TRABD2B: variants seen among roughly 807,000 people sequenced by gnomAD.
The protein encoded by TRABD2B is metalloprotease TIKI2.
In TRABD2B, 14 loss-of-function variants were observed where a neutral mutation model predicts 40.1. That is an observed-to-expected ratio of 0.35 (90% CI 0.23 to 0.55). The LOEUF (loss-of-function observed/expected upper bound fraction) is 0.55, where lower values mean the gene tolerates loss of function less well. Among genes scored for constraint, TRABD2B ranks in the 20% least tolerant of loss-of-function variants. TRABD2B has a pLI of 0.90. For synonymous variants in TRABD2B, 263 were observed against 277.0 expected (o/e 0.95, Z 0.50); for missense variants, 541 against 648.6 (o/e 0.83, Z 1.80).
chr1:47,865,612 A>T (rs773657881), intron 2 of TRABD2B, among the ~76,000 whole-genome samples: 6 of 152,176 alleles, frequency 3.9e-5, no homozygotes, highest in Non-Finnish European at 7.3e-5. Flanking sequence ...AGAAAAGTTA[A>T]GGCACTGGAT....
At chr1:47,862,222 A>G (rs1442134545) in intron 2 of TRABD2B, among the ~76,000 whole-genome samples, 1 of 152,220 alleles carries the variant, frequency 6.6e-6, no homozygotes, top group African/African-American at 2.4e-5. Flanking sequence ...CCTTTTCAAC[A>G]CCGTACTGGA....
chr1:47,977,533 T>C (rs1442126371), intron 2 of TRABD2B, among the ~76,000 whole-genome samples: 1 of 152,132 alleles, frequency 6.6e-6, no homozygotes, highest in Non-Finnish European at 1.5e-5. Flanking sequence ...ATAGGTATTC[T>C]TATCTCCATT....
At chr1:47,971,960 T>C (rs1404586402) in intron 2 of TRABD2B, among the ~76,000 whole-genome samples, 1 of 152,140 alleles carries the variant, frequency 6.6e-6, no homozygotes, top group Non-Finnish European at 1.5e-5. Context: ...AACAGTGAGA[T>C]GGACTATCAG....
intron 2 of TRABD2B, among the ~76,000 whole-genome samples, chr1:47,830,217 G>T (rs958800127): frequency 6.6e-6 from 1 of 152,186 alleles, no homozygotes; most frequent in Non-Finnish European, 1.5e-5. Context: ...TTCACCCCTT[G>T]CCCCGTTCCC....
intron 2 of TRABD2B, among the ~76,000 whole-genome samples, chr1:47,913,657 G>C (rs969249800): frequency 6.6e-6 from 1 of 152,152 alleles, no homozygotes; most frequent in African/African-American, 2.4e-5. Context: ...AAAGCAGTCC[G>C]GGGCAGCATG....
At chr1:47,910,016 C>T (rs1193152877) in intron 2 of TRABD2B, among the ~76,000 whole-genome samples, 4 of 151,562 alleles carry the variant, frequency 2.6e-5, no homozygotes, top group African/African-American at 9.7e-5. Flanking sequence ...CGTGCCACCA[C>T]GCCTGGCTGA....
chr1:47,944,474 C>T (rs1645232179), intron 2 of TRABD2B, among the ~76,000 whole-genome samples: 3 of 151,970 alleles, frequency 2.0e-5, no homozygotes, highest in South Asian at 2.1e-4. Flanking sequence ...GTAATGCTTA[C>T]GAAAGGCAAA....
chr1:47,950,607 T>C (rs1371894968), intron 2 of TRABD2B, among the ~76,000 whole-genome samples: 3 of 152,168 alleles, frequency 2.0e-5, no homozygotes, highest in African/African-American at 7.2e-5. Flanking sequence ...ATTCCACATG[T>C]GAAGAATGGC....
intron 2 of TRABD2B, among the ~76,000 whole-genome samples, chr1:47,926,445 G>C (rs899574870): frequency 1.3e-5 from 2 of 152,188 alleles, no homozygotes; most frequent in African/African-American, 4.8e-5. Flanking sequence ...AGAGGCTCTT[G>C]CTCCAGGAAT....
chr1:47,836,789 TG>T (rs1254318591), intron 2 of TRABD2B, among the ~76,000 whole-genome samples: 9 of 152,184 alleles, frequency 5.9e-5, no homozygotes, highest in Admixed American at 6.5e-5. Flanking sequence ...AGAGGTCCTT[TG>T]CCCCTTCCAC....
chr1:47,862,286 G>A (rs925483267), intron 2 of TRABD2B, among the ~76,000 whole-genome samples: 15 of 152,076 alleles, frequency 9.9e-5, no homozygotes, highest in Non-Finnish European at 2.9e-5. Flanking sequence ...TTATTGAGAA[G>A]GAAGAAATAC....
At chr1:47,892,059 T>C (rs1431004116) in intron 2 of TRABD2B, among the ~76,000 whole-genome samples, 2 of 152,222 alleles carry the variant, frequency 1.3e-5, no homozygotes, top group African/African-American at 4.8e-5. Context: ...CTCCAGGCTC[T>C]GTGAGAAGCA....
chr1:47,990,773 ATATATATATAT>A (rs1557699583), intron 2 of TRABD2B, among the ~76,000 whole-genome samples: 4 of 3,058 alleles, frequency 1.3e-3, no homozygotes, highest in East Asian at 0.013. Context: ...CGTTGGTTTT[ATATATATATAT>A]ATATATATAT....
At chr1:47,984,336 C>A (rs922360030) in intron 2 of TRABD2B, among the ~76,000 whole-genome samples, 9 of 152,216 alleles carry the variant, frequency 5.9e-5, no homozygotes, top group African/African-American at 2.2e-4. Context: ...ATACACACTG[C>A]GGCCCCCAAG....
intron 2 of TRABD2B, among the ~76,000 whole-genome samples, chr1:47,978,014 T>C (rs1300454419): frequency 6.6e-6 from 1 of 151,948 alleles, no homozygotes; most frequent in Non-Finnish European, 1.5e-5. Flanking sequence ...CATAATATGT[T>C]CCCATTCACA....
At chr1:47,846,857 T>TATACACACACAC (rs374941615) in intron 2 of TRABD2B, among the ~76,000 whole-genome samples, 11 of 106,492 alleles carry the variant, frequency 1.0e-4, no homozygotes, top group East Asian at 7.1e-4. Flanking sequence ...AAAACATGCA[T>TATACACACACAC]ACACACACAC....
intron 2 of TRABD2B, among the ~76,000 whole-genome samples, chr1:47,956,461 G>A (rs1645424447): frequency 6.6e-6 from 1 of 152,204 alleles, no homozygotes; most frequent in Non-Finnish European, 1.5e-5. Context: ...CCTAGCCAAG[G>A]GAAGCCGTGA....
chr1:47,992,416 C>G (rs1003203944), intron 2 of TRABD2B, among the ~76,000 whole-genome samples: 1 of 152,150 alleles, frequency 6.6e-6, no homozygotes. Flanking sequence ...TTAAGAGAGA[C>G]GGATTAAAGA....
At chr1:47,824,316 G>A (rs1034541764) in intron 2 of TRABD2B, among the ~76,000 whole-genome samples, 2 of 152,194 alleles carry the variant, frequency 1.3e-5, no homozygotes, top group Non-Finnish European at 2.9e-5. Context: ...GCAGGTCTGG[G>A]GGGAATCTTT....
Sources: gnomAD v4.1 joint callset for allele counts (sites outside exome capture counted in the v4.1 genomes callset) on GRCh38, gnomAD v4.1.1 for gene constraint, MANE v1.5 for transcripts, NCBI Gene and HGNC (gene_info 2026-07-23, HGNC 2026-07-21) for gene names.